ABCA5: variants seen among roughly 807,000 people sequenced by gnomAD.
The protein encoded by ABCA5 is ATP binding cassette subfamily A member 5.
A neutral mutation model predicts 206.0 loss-of-function variants in ABCA5; 163 were observed. The ratio of observed to expected loss-of-function variants is 0.79; its 90% confidence interval spans 0.70 to 0.90. The LOEUF (loss-of-function observed/expected upper bound fraction) is 0.90, where lower values mean the gene tolerates loss of function less well. Among genes scored for constraint, ABCA5 ranks in the 40% least tolerant of loss-of-function variants. The pLI, the probability that ABCA5 is intolerant of heterozygous loss-of-function variation, is 0.00. For missense variants in ABCA5, 1,859 were observed against 1,912.9 expected (o/e 0.97, Z 0.53); for synonymous variants, 609 against 613.8 (o/e 0.99, Z 0.11).
intron 18 of ABCA5, among the ~76,000 whole-genome samples, chr17:69,278,090 A>G (rs2075353600): frequency 6.6e-6 from 1 of 152,142 alleles, no homozygotes. Flanking sequence ...CAAGAACATG[A>G]GAATGTTCTT....
rs922446830 is a variant in ABCA5 at position 69,317,438 on chromosome 17, T to C, written c.-15-3008A>G. 1.1e-4 allele frequency among the ~76,000 whole-genome samples: 16 copies of C among 146,862 alleles called. 2 individuals are homozygous for C. The highest frequency in any genetic ancestry group is 1.1e-3 in the Admixed American group (16 of 14,750). On this transcript the variant is annotated intron_variant, in intron 1 of 38. Coordinates refer to ENST00000392676, the MANE Select transcript of ABCA5 (RefSeq NM_172232.4). ...AAAAAAAAAAGGAATGAAGTACTGC[T>C]ATATGCTACAATTAAAATGAACATA...
At chr17:69,298,282 AGGGAGGGAGGGGAAAG>A (rs1567774621) in intron 9 of ABCA5, among the ~76,000 whole-genome samples, 37 of 98,530 alleles carry the variant, frequency 3.8e-4, no homozygotes, top group African/African-American at 1.6e-3. Flanking sequence ...GAAGGAAGGA[AGGGAGGGAGGGGAAAG>A]AGAAAGAAAG....
intron 35 of ABCA5, chr17:69,250,827 A>G (rs2075004611): frequency 6.4e-6 from 2 of 310,860 alleles, no homozygotes; most frequent in Non-Finnish European, 1.2e-5. Flanking sequence ...ATTCCTCACA[A>G]CTGAGACACC....
rs2074950710 is a variant in ABCA5, at chr17:69,246,355, T to C, written c.*1182A>G. ...ACTTTCATTTGGTTGAAATGTAATG[T>C]CAACTAGCATTATTTACACTATTTT... On this transcript the variant is annotated 3_prime_UTR_variant, in exon 39 of 39. Coordinates refer to ENST00000392676, the MANE Select transcript of ABCA5 (RefSeq NM_172232.4). 1 of 152,006 alleles carries C rather than the reference T, an allele frequency of 6.6e-6. No individual in the cohort carries two copies. Among genetic ancestry groups the C allele is most frequent in the Non-Finnish European group, 1.5e-5 (1 of 67,838 alleles). 9.4% of individuals were successfully genotyped at this position (152,006 alleles called of 1,614,324 possible).
At position 69,297,359 on chromosome 17, in the gene ABCA5, C is replaced by T; in HGVS notation, c.1268G>A (p.Gly423Glu). 6.3e-7 allele frequency: 1 copy of T among 1,578,286 alleles called. No homozygotes were observed. The highest frequency in any genetic ancestry group is 2.3e-5 in the East Asian group (1 of 44,172). ...AGATGATCTCCGTAAGCCAAATTCC[C>T]CTGAAAAATAAACATTAAAAAACTG... ...LAVYLDQVIP[G>E]EFGLRRSSLY... is the part of the protein sequence containing the mutation. The change falls in exon 10 of 39, where the codon GGG (glycine) becomes GAG (glutamate). Residue 423 changes from glycine to glutamate, a missense_variant and splice_region_variant. Gly to Glu is a moderately conservative substitution (Grantham distance 98). Coordinates refer to ENST00000392676, the MANE Select transcript of ABCA5 (RefSeq NM_172232.4).
In ABCA5 at chr17:69,253,779, G is replaced by A. The variant is rs749094829; in HGVS notation, c.4320+15C>T. 2 of 1,605,466 alleles carry A rather than the reference G, an allele frequency of 1.2e-6. No individual in the cohort carries two copies. The highest frequency in any genetic ancestry group is 1.1e-5 in the South Asian group (1 of 90,748). ...AATAAAAATACAGGCATTATTTGGTGTTTAATGAAAGTACCTTTCGTTTGA... is the reference window on the plus strand; with the variant it reads ...AATAAAAATACAGGCATTATTTGGTATTTAATGAAAGTACCTTTCGTTTGA... On this transcript the variant is annotated intron_variant, in intron 33 of 38. Coordinates refer to ENST00000392676, the MANE Select transcript of ABCA5 (RefSeq NM_172232.4).
intron 1 of ABCA5, among the ~76,000 whole-genome samples, chr17:69,316,592 T>TAAAA: frequency 7.5e-6 from 1 of 132,718 alleles, no homozygotes; most frequent in Non-Finnish European, 1.6e-5. Flanking sequence ...GTATTAATGC[T>TAAAA]AAAAAAAAAA....
In ABCA5 at chr17:69,306,954, A is replaced by C. The variant is rs2075724138; in HGVS notation, c.559T>G (p.Leu187Val). 1 of 1,524,802 alleles carries C rather than the reference A, an allele frequency of 6.6e-7. No homozygotes were observed. The highest frequency in any genetic ancestry group is 8.8e-7 in the Non-Finnish European group (1 of 1,139,062). 94.5% of individuals were successfully genotyped at this position (1,524,802 alleles called of 1,614,324 possible). The change falls in exon 6 of 39, where the codon TTG becomes GTG. Residue 187 changes from leucine to valine, a missense_variant and splice_region_variant. Coordinates refer to ENST00000392676, the MANE Select transcript of ABCA5 (RefSeq NM_172232.4). ...TTCCAAAGAGAAACATTGGTCTTCAACTATAATTAGAAAATGTAAATACAT... is the reference window on the plus strand; with the variant it reads ...TTCCAAAGAGAAACATTGGTCTTCACCTATAATTAGAAAATGTAAATACAT... ...QASIDAAIIQ[L>V]KTNVSLWKEL... is the part of the protein sequence containing the mutation.
rs773988823 is a variant in ABCA5 at position 69,297,180 on chromosome 17, T to C, written c.1436+11A>G. The C allele has an allele frequency of 1.4e-5, 22 of 1,606,900 alleles. No individual in the cohort carries two copies. The highest frequency in any genetic ancestry group is 3.4e-5 in the Admixed American group (2 of 58,144). On this transcript the variant is annotated intron_variant, in intron 10 of 38. Coordinates refer to ENST00000392676, the MANE Select transcript of ABCA5 (RefSeq NM_172232.4). ...GTTCTTATACCTAAATTGCCAAAGA[T>C]TGAACCATACCTTATGGCTTCTTTT... is the stretch of plus-strand genomic sequence containing the variant.
chr17:69,262,810 C>T (rs557262423), intron 24 of ABCA5, among the ~76,000 whole-genome samples: 47 of 152,242 alleles, frequency 3.1e-4, no homozygotes, highest in African/African-American at 1.1e-3. Context: ...CTCCAAACTG[C>T]TTTCCATGGC....
chr17:69,288,166 G>A (rs1456557597), intron 14 of ABCA5, among the ~76,000 whole-genome samples: 1 of 152,114 alleles, frequency 6.6e-6, no homozygotes, highest in African/African-American at 2.4e-5. Flanking sequence ...AAAGAACATG[G>A]TGGTGGTGGC....
In ABCA5 at chr17:69,309,356, G is replaced by A. The variant is rs1164927644; in HGVS notation, c.375C>T (p.Asn125=). Residue 125 remains asparagine, a synonymous_variant, in exon 4 of 39, where the codon AAC becomes AAT. Transcript: ENST00000392676. ...MLTSSLSKPS[N]FVGVVFKDSM... The stretch of plus-strand genomic sequence containing the variant: ...AGTCTTTGAAAACCACACCTACAAA[G>A]TTGCTCGGCTTAGAGAGACTGGATG... 2 of 1,605,762 alleles carry A rather than the reference G, an allele frequency of 1.2e-6. No homozygotes were observed. The highest frequency in any genetic ancestry group is 1.7e-6 in the Non-Finnish European group (2 of 1,177,560).
rs756520493 is a variant in ABCA5 at position 69,306,946 on chromosome 17, G to A, written c.567C>T (p.Thr189=). The A allele has an allele frequency of 2.0e-6, 3 of 1,530,548 alleles. No homozygotes were observed. The highest frequency in any genetic ancestry group is 2.6e-6 in the Non-Finnish European group (3 of 1,142,460). 94.8% of individuals were successfully genotyped at this position (1,530,548 alleles called of 1,614,324 possible). A position where few individuals can be genotyped will look rare whatever the true frequency, so the allele number is the denominator to read the frequency against. ...SIDAAIIQLK[T]NVSLWKELES... ...CCAGCTCCTTCCAAAGAGAAACATT[G>A]GTCTTCAACTATAATTAGAAAATGT... Residue 189 remains threonine (T), a synonymous_variant, in exon 6 of 39, where the codon ACC becomes ACT. Coordinates refer to ENST00000392676, the MANE Select transcript of ABCA5 (RefSeq NM_172232.4).
chr17:69,270,784 G>T (rs2075264445), intron 21 of ABCA5, 34 bp from the exon 22 acceptor site: 1 of 1,476,024 alleles, frequency 6.8e-7, no homozygotes, highest in East Asian at 2.5e-5. Flanking sequence ...ATTACATACT[G>T]TATATAAGCG....
chr17:69,297,336 A>G lies in ABCA5; in HGVS notation c.1291T>C (p.Ser431Pro). The change falls in exon 10 of 39, where the codon TCT becomes CCT. Residue 431 changes from serine (S) to proline (P), a missense_variant. Transcript: ENST00000392676. Reference sequence around the variant, plus strand: ...TATGAAGGCTTCAGAAAATATAAAGATGATCTCCGTAAGCCAAATTCCCCT... The same window carrying G: ...TATGAAGGCTTCAGAAAATATAAAGGTGATCTCCGTAAGCCAAATTCCCCT... ...IPGEFGLRRS[S>P]LYFLKPSYWS... The G allele has an allele frequency of 6.2e-7, 1 of 1,603,058 alleles. No individual in the cohort carries two copies. Among genetic ancestry groups the G allele is most frequent in the Admixed American group, 1.8e-5 (1 of 57,052 alleles).
intron 6 of ABCA5, among the ~76,000 whole-genome samples, chr17:69,305,842 G>A (rs1248523692): frequency 1.3e-5 from 2 of 152,084 alleles, no homozygotes; most frequent in Admixed American, 1.3e-4. Flanking sequence ...CTATACTCCA[G>A]CCTAGGTGAC....
In ABCA5 at chr17:69,298,229, T is replaced by TAGGAAGGTAGGAAGGTAGGAAGGAAGGA. The variant is rs1555582874; in HGVS notation, c.1268-871_1268-870insTCCTTCCTTCCTACCTTCCTACCTTCCT. Among the ~76,000 whole-genome samples, 46 of 33,498 alleles carry TAGGAAGGTAGGAAGGTAGGAAGGAAGGA rather than the reference T, an allele frequency of 1.4e-3. 1 individual carries two copies. Among genetic ancestry groups the TAGGAAGGTAGGAAGGTAGGAAGGAAGGA allele is most frequent in the Admixed American group, 2.1e-3 (6 of 2,816 alleles). 22.0% of individuals were successfully genotyped at this position (33,498 alleles called of 152,430 possible). On this transcript the variant is annotated intron_variant, in intron 9 of 38. Coordinates refer to ENST00000392676, the MANE Select transcript of ABCA5 (RefSeq NM_172232.4). ...CCCTGTCGGAAGGAAGGAAGGTAGG[T>TAGGAAGGTAGGAAGGTAGGAAGGAAGGA]AGGAAGGAAGGAAGGAAGGAAGGAA... is the stretch of plus-strand genomic sequence containing the variant.
chr17:69,263,841 C>T (rs573616503), intron 24 of ABCA5, among the ~76,000 whole-genome samples: 2 of 151,960 alleles, frequency 1.3e-5, no homozygotes, highest in South Asian at 2.1e-4. Flanking sequence ...GGACTACAGG[C>T]GCATGCCACC....
chr17:69,270,848 A>G (rs2075265173), intron 21 of ABCA5, 98 bp from the exon 22 acceptor site: 1 of 1,160,128 alleles, frequency 8.6e-7, no homozygotes, highest in Admixed American at 2.9e-5. Flanking sequence ...TAATTCTCAT[A>G]CAGAAAAACT....
Sources: gnomAD v4.1 joint callset for allele counts (sites outside exome capture counted in the v4.1 genomes callset) on GRCh38, gnomAD v4.1.1 for gene constraint, MANE v1.5 for transcripts, NCBI Gene and HGNC (gene_info 2026-07-23, HGNC 2026-07-21) for gene names.